P2RY12: variants seen among roughly 807,000 people sequenced by gnomAD.
P2RY12 encodes the protein P2Y purinoceptor 12.
P2RY12 carries 3 observed loss-of-function variants against 4.5 expected under a neutral mutation model. The ratio of observed to expected loss-of-function variants is 0.67; its 90% confidence interval spans 0.31 to 1.74. P2RY12 has a LOEUF of 1.74. P2RY12 is among the 40% of genes most tolerant of loss of function. The probability of loss-of-function intolerance (pLI) is 0.09; values close to 1 mark genes in which losing one functional copy is unlikely to be tolerated. For synonymous variants in P2RY12, 148 were observed against 154.1 expected, an observed-to-expected ratio of 0.96 and a Z score of 0.29; for missense variants, 356 against 407.8, an observed-to-expected ratio of 0.87 and a Z score of 1.09.
intron 1 of P2RY12, among the ~76,000 whole-genome samples, chr3:151,348,340 C>CAAAAAA (rs11382065): frequency 3.9e-4 from 34 of 87,804 alleles, no homozygotes; most frequent in African/African-American, 1.3e-3. Context: ...ACCACCAGAC[C>CAAAAAA]AAAAAAAAAA....
chr3:151,373,713 G>GA (rs1408229730), intron 1 of P2RY12, among the ~76,000 whole-genome samples: 15 of 152,104 alleles, frequency 9.9e-5, no homozygotes, highest in Non-Finnish European at 1.9e-4. Context: ...GACTGTCCCA[G>GA]ATTTGTGCAG....
chr3:151,374,124 G>A (rs1023110639), intron 1 of P2RY12, among the ~76,000 whole-genome samples: 2 of 152,042 alleles, frequency 1.3e-5, no homozygotes, highest in East Asian at 1.9e-4. Context: ...TCCCAAAAAC[G>A]TCAATTTACT....
At chr3:151,377,285 A>G (rs1756963539) in intron 1 of P2RY12, 1 of 834,998 alleles carries the variant, frequency 1.2e-6, no homozygotes, top group Non-Finnish European at 1.8e-6. Context: ...TGTGAAGAAC[A>G]TAGTTACTTG....
At chr3:151,383,405 C>A (rs1452003907) in intron 1 of P2RY12, among the ~76,000 whole-genome samples, 2 of 152,206 alleles carry the variant, frequency 1.3e-5, no homozygotes, top group Non-Finnish European at 2.9e-5. Context: ...AGTAATTGTA[C>A]AGCAAACACA....
At chr3:151,381,149 GA>G (rs981632925) in intron 1 of P2RY12, among the ~76,000 whole-genome samples, 1 of 152,202 alleles carries the variant, frequency 6.6e-6, no homozygotes, top group African/African-American at 2.4e-5. Flanking sequence ...TTGGTCTTAT[GA>G]GGTGTTTTAT....
intron 1 of P2RY12, among the ~76,000 whole-genome samples, chr3:151,345,985 C>T (rs1752488637): frequency 6.6e-6 from 1 of 152,034 alleles, no homozygotes; most frequent in Admixed American, 6.6e-5. Flanking sequence ...GTCTTTACAC[C>T]CCTTATAGAG....
intron 1 of P2RY12, among the ~76,000 whole-genome samples, chr3:151,373,098 A>G (rs920233549): frequency 2.5e-4 from 38 of 152,150 alleles, no homozygotes; most frequent in Admixed American, 2.5e-3. Flanking sequence ...TCATAACATA[A>G]CCAAAATATA....
At chr3:151,358,020 A>G (rs1336657181) in intron 1 of P2RY12, among the ~76,000 whole-genome samples, 1 of 152,134 alleles carries the variant, frequency 6.6e-6, no homozygotes, top group African/African-American at 2.4e-5. Flanking sequence ...TTTTATTTAA[A>G]CACAGAAAGA....
chr3:151,356,071 A>C, intron 1 of P2RY12: 1 of 1,593,320 alleles, frequency 6.3e-7, no homozygotes, highest in Non-Finnish European at 8.5e-7. Context: ...TCTTACTTTT[A>C]GGAAAGCAAA....
chr3:151,337,670 A>G lies in P2RY12; in HGVS notation c.*147T>C. ...ATAGCTTTTCATACTGGAAAGGTAA[A>G]TGAAAATTGCTTTTGTAATCTTCTG... On this transcript the variant is annotated 3_prime_UTR_variant, in exon 3 of 3. Coordinates refer to ENST00000302632, the MANE Select transcript of P2RY12 (RefSeq NM_022788.5). The G allele has an allele frequency of 1.3e-6, 1 of 770,982 alleles. No individual in the cohort carries two copies. The highest frequency in any genetic ancestry group is 1.8e-5 in the African/African-American group (1 of 57,074). The allele number at this position is 770,982 out of a possible 1,614,324, so 47.8% of individuals were successfully genotyped here.
In P2RY12 at chr3:151,337,440, G is replaced by A. The variant is rs150127393; in HGVS notation, c.*377C>T. The stretch of plus-strand genomic sequence containing the variant: ...GTAAGAAGATTATATCCAATTGATC[G>A]TTCTTCCTTAGTTGATTATGAAAAA... On this transcript the variant is annotated 3_prime_UTR_variant, in exon 3 of 3. Transcript: ENST00000302632. 4,846 of 199,352 alleles carry A rather than the reference G, an allele frequency of 0.024. 69 individuals carry two copies. The highest frequency in any genetic ancestry group is 0.034 in the Non-Finnish European group (3,320 of 96,332). 12.3% of individuals were successfully genotyped at this position (199,352 alleles called of 1,614,324 possible).
At chr3:151,369,578 G>A in intron 1 of P2RY12, 2 of 1,420,718 alleles carry the variant, frequency 1.4e-6, no homozygotes, top group East Asian at 2.3e-5. Context: ...TAAGCTTCTT[G>A]GTTAATCACC....
At position 151,383,286 on chromosome 3, in the gene P2RY12, CT is replaced by C. The variant is rs1039354566; in HGVS notation, c.-180+1405del. 6.1e-4 allele frequency among the ~76,000 whole-genome samples: 93 copies of C among 152,316 alleles called. 1 individual carries two copies. Among genetic ancestry groups the C allele is most frequent in the African/African-American group, 2.2e-3 (91 of 41,566 alleles). The stretch of plus-strand genomic sequence containing the variant: ...TGATACTTTTGCAGTTGTTTCTAAC[CT>C]TGTCCCAACACGTGAACTGGTAGGT... On this transcript the variant is annotated intron_variant, in intron 1 of 2. Transcript: ENST00000302632.
Position 151,383,864 on chromosome 3 carries a change from G to C in P2RY12, c.-180+828C>G. ...CTACTCCTTCAGATCATTACTTCAG[G>C]AACTGTTGACATGCACACTAACAAG... On this transcript the variant is annotated intron_variant, in intron 1 of 2. Coordinates refer to ENST00000302632, the MANE Select transcript of P2RY12 (RefSeq NM_022788.5). 6.2e-7 allele frequency: 1 copy of C among 1,613,758 alleles called. No individual in the cohort carries two copies. The highest frequency in any genetic ancestry group is 8.5e-7 in the Non-Finnish European group (1 of 1,179,788).
At chr3:151,344,564 T>C (rs1459122133) in intron 1 of P2RY12, among the ~76,000 whole-genome samples, 2 of 152,206 alleles carry the variant, frequency 1.3e-5, no homozygotes. Flanking sequence ...TTTTACTGCT[T>C]TTCTTAGAGA....
At chr3:151,350,485 TG>T (rs1341639869) in intron 1 of P2RY12, among the ~76,000 whole-genome samples, 1 of 152,142 alleles carries the variant, frequency 6.6e-6, no homozygotes. Flanking sequence ...TTCTGATTTT[TG>T]GTATACTTCT....
At chr3:151,343,232 A>G (rs1212073552) in intron 1 of P2RY12, among the ~76,000 whole-genome samples, 2 of 152,302 alleles carry the variant, frequency 1.3e-5, no homozygotes, top group East Asian at 1.9e-4. Flanking sequence ...ATCAAATGAA[A>G]CAAGGCTTAT....
At chr3:151,352,904 T>C (rs10935839) in intron 1 of P2RY12, among the ~76,000 whole-genome samples, 62,436 of 152,022 alleles carry the variant, frequency 0.41, 13,255 homozygotes, top group African/African-American at 0.51. Context: ...AATAATATGT[T>C]ATAAAAGCAA....
At position 151,383,804 on chromosome 3, in the gene P2RY12, A is replaced by G; in HGVS notation, c.-180+888T>C. 1 of 1,613,602 alleles carries G rather than the reference A, an allele frequency of 6.2e-7. No individual in the cohort carries two copies. The highest frequency in any genetic ancestry group is 1.1e-5 in the South Asian group (1 of 91,056). ...GTAGGAGGAATGTTTGACACGGTGCAGAGGAGCACCCAGTGGACTACAGAC... is the reference window on the plus strand; with the variant it reads ...GTAGGAGGAATGTTTGACACGGTGCGGAGGAGCACCCAGTGGACTACAGAC... On this transcript the variant is annotated intron_variant, in intron 1 of 2. Transcript: ENST00000302632.
Sources: gnomAD v4.1 joint callset for allele counts (sites outside exome capture counted in the v4.1 genomes callset) on GRCh38, gnomAD v4.1.1 for gene constraint, MANE v1.5 for transcripts, NCBI Gene and HGNC (gene_info 2026-07-23, HGNC 2026-07-21) for gene names.